The following GRIN2A variants were observed in gnomAD, a reference collection of about 807,000 sequenced individuals.
GRIN2A encodes the protein glutamate ionotropic receptor NMDA type subunit 2A, also known as glutamate receptor ionotropic, NMDA 2A.
A neutral mutation model predicts 113.4 loss-of-function variants in GRIN2A; 22 were observed. That is an observed-to-expected ratio of 0.19 (90% confidence interval 0.14 to 0.28). The LOEUF (loss-of-function observed/expected upper bound fraction) is 0.28, where lower values mean the gene tolerates loss of function less well. GRIN2A is among the 10% of genes least tolerant of loss of function. The pLI is 1.00. For missense variants in GRIN2A, 1,502 were observed against 1,887.0 expected (o/e 0.80, Z 3.78); for synonymous variants, 827 against 738.4 (o/e 1.12, Z -1.94).
chr16:9,817,654 A>G (rs35017390), intron 10 of GRIN2A, among the ~76,000 whole-genome samples: 1 of 152,258 alleles, frequency 6.6e-6, no homozygotes, highest in South Asian at 2.1e-4. Flanking sequence ...TTGTCCCAGG[A>G]CACAGCTAGC....
rs2042855613 is a variant in GRIN2A, at chr16:9,850,017, G to A, written c.1123-56C>T. 12 of 1,459,834 alleles carry A rather than the reference G, an allele frequency of 8.2e-6. No individual in the cohort carries two copies. In the Admixed American group the frequency reaches 1.8e-4, roughly 22 times the overall value. 90.4% of individuals were successfully genotyped at this position (1,459,834 alleles called of 1,614,324 possible). On this transcript the variant is annotated intron_variant, in intron 4 of 12. Coordinates refer to ENST00000330684, the MANE Select transcript of GRIN2A (RefSeq NM_001134407.3). ...CTTTCTTCCGCCGCTGATTTCTGGA[G>A]AGGCAAATCCTTTCCCTGCCAGAGA...
At chr16:10,073,292 G>A (rs922926318) in intron 2 of GRIN2A, among the ~76,000 whole-genome samples, 9 of 152,056 alleles carry the variant, frequency 5.9e-5, no homozygotes, top group Non-Finnish European at 8.8e-5. Context: ...TGAAACCTAG[G>A]GAAAGATGGA....
At chr16:10,040,508 C>T (rs1596454261) in intron 2 of GRIN2A, among the ~76,000 whole-genome samples, 1 of 151,612 alleles carries the variant, frequency 6.6e-6, no homozygotes, top group South Asian at 2.1e-4. Context: ...CACATCCACA[C>T]CACAAACACA....
rs1215434756 is a variant in GRIN2A, at chr16:9,758,106, C to G, written c.*5043G>C. On this transcript the variant is annotated 3_prime_UTR_variant, in exon 13 of 13. Transcript: ENST00000330684. ...CATTTGTAAACTTCATTTTTCTCAT[C>G]TCTCCTCCCCTTCTCCTAACTTTTG... 1 of 213,512 alleles carries G rather than the reference C, an allele frequency of 4.7e-6. No homozygotes were observed. The allele number at this position is 213,512 out of a possible 1,614,324, so 13.2% of individuals were successfully genotyped here.
intron 11 of GRIN2A, among the ~76,000 whole-genome samples, chr16:9,784,462 C>CAA (rs796182471): frequency 1.4e-5 from 2 of 144,886 alleles, no homozygotes; most frequent in East Asian, 2.0e-4. Flanking sequence ...AACAAACAAA[C>CAA]AAAAAACCTA....
intron 4 of GRIN2A, among the ~76,000 whole-genome samples, chr16:9,883,373 T>C (rs1169717716): frequency 6.6e-6 from 1 of 152,238 alleles, no homozygotes; most frequent in South Asian, 2.1e-4. Flanking sequence ...TTGGGGATTC[T>C]AGTCTAAGCG....
intron 2 of GRIN2A, among the ~76,000 whole-genome samples, chr16:9,958,953 G>A (rs1199160687): frequency 1.3e-5 from 2 of 152,142 alleles, no homozygotes; most frequent in Non-Finnish European, 2.9e-5. Context: ...GGAGTTGGTA[G>A]GGAAAAGGCA....
intron 2 of GRIN2A, among the ~76,000 whole-genome samples, chr16:10,049,456 T>C (rs1196071210): frequency 6.6e-6 from 1 of 151,880 alleles, no homozygotes; most frequent in Admixed American, 6.6e-5. Flanking sequence ...CGGCTCACTG[T>C]AACCTCCGCC....
intron 3 of GRIN2A, among the ~76,000 whole-genome samples, chr16:9,923,029 A>G (rs972132085): frequency 2.0e-5 from 3 of 152,152 alleles, no homozygotes; most frequent in Admixed American, 2.0e-4. Context: ...AATCATCTGT[A>G]TCTTTACTAA....
chr16:9,988,500 G>A (rs2046032780), intron 2 of GRIN2A, among the ~76,000 whole-genome samples: 1 of 151,720 alleles, frequency 6.6e-6, no homozygotes, highest in Non-Finnish European at 1.5e-5. Flanking sequence ...TCCCCACCAT[G>A]GTTGTCCAGC....
chr16:9,948,323 C>T (rs1295092288), intron 2 of GRIN2A, among the ~76,000 whole-genome samples: 3 of 152,220 alleles, frequency 2.0e-5, no homozygotes, highest in Non-Finnish European at 4.4e-5. Context: ...GCATAAGAAT[C>T]ACCTTGGATC....
Position 9,840,942 on chromosome 16 carries a change from G to A in GRIN2A, c.1491C>T (p.Ile497=), listed in dbSNP as rs146157761. Residue 497 remains isoleucine (I), a synonymous_variant, in exon 6 of 13, where the codon ATC becomes ATT. Transcript: ENST00000330684. ...KKVNNVWNGM[I]GEVVYQRAVM... ...GGATGAAAAGATAACTTACTTCACC[G>A]ATCATTCCATTCCACACATTGTTAA... 6.8e-6 allele frequency: 11 copies of A among 1,613,318 alleles called. No homozygotes were observed. The highest frequency in any genetic ancestry group is 2.2e-5 in the East Asian group (1 of 44,840).
intron 8 of GRIN2A, among the ~76,000 whole-genome samples, chr16:9,832,253 C>G (rs1198839169): frequency 6.6e-6 from 1 of 152,040 alleles, no homozygotes; most frequent in African/African-American, 2.4e-5. Context: ...ACTGCACCCC[C>G]TCAGCCTTTT....
chr16:9,986,645 A>G (rs533375314), intron 2 of GRIN2A, among the ~76,000 whole-genome samples: 1 of 151,784 alleles, frequency 6.6e-6, no homozygotes, highest in Non-Finnish European at 1.5e-5. Flanking sequence ...GGTGCCTGTA[A>G]TCCCAGCTAC....
chr16:10,179,459 A>G (rs902047383), intron 2 of GRIN2A: 6 of 167,386 alleles, frequency 3.6e-5, no homozygotes, highest in Admixed American at 3.3e-4. Flanking sequence ...CAGAGGAAGC[A>G]TGACATTTTT....
At chr16:9,940,046 G>A (rs1368400692) in intron 2 of GRIN2A, among the ~76,000 whole-genome samples, 2 of 139,494 alleles carry the variant, frequency 1.4e-5, no homozygotes, top group African/African-American at 5.6e-5. Flanking sequence ...GAGAGAAAGA[G>A]AGAGAGAGAG....
At chr16:10,162,899 C>T (rs959041840) in intron 2 of GRIN2A, among the ~76,000 whole-genome samples, 1 of 152,116 alleles carries the variant, frequency 6.6e-6, no homozygotes, top group Admixed American at 6.5e-5. Context: ...TTTCCTATTT[C>T]GGAGGAGGGA....
intron 2 of GRIN2A, among the ~76,000 whole-genome samples, chr16:10,095,656 G>A (rs1348260052): frequency 6.6e-6 from 1 of 151,980 alleles, no homozygotes; most frequent in Non-Finnish European, 1.5e-5. Context: ...TCCTAGTGCA[G>A]GTTTCTAAGC....
chr16:10,073,447 G>C (rs770670821), intron 2 of GRIN2A, among the ~76,000 whole-genome samples: 2 of 152,050 alleles, frequency 1.3e-5, no homozygotes, highest in Non-Finnish European at 2.9e-5. Context: ...AGGTAGTTTT[G>C]GCCACTGAAG....
Sources: gnomAD v4.1 joint callset for allele counts (sites outside exome capture counted in the v4.1 genomes callset) on GRCh38, gnomAD v4.1.1 for gene constraint, MANE v1.5 for transcripts, NCBI Gene and HGNC (gene_info 2026-07-23, HGNC 2026-07-21) for gene names.